The following AMPH variants were observed in gnomAD, a reference collection of about 807,000 sequenced individuals.
The protein encoded by AMPH is amphiphysin (Stiff-Mann syndrome with breast cancer 128kD autoantigen).
A neutral mutation model predicts 99.1 loss-of-function variants in AMPH; 49 were observed. The observed-to-expected ratio is 0.49, with a 90% CI of 0.39 to 0.63. AMPH has a LOEUF of 0.63. AMPH is among the 20% of genes least tolerant of loss of function. AMPH has a pLI of 0.00. For synonymous variants in AMPH, 314 were observed against 317.3 expected, an observed-to-expected ratio of 0.99 and a Z score of 0.11; for missense variants, 759 against 863.4, an observed-to-expected ratio of 0.88 and a Z score of 1.52.
intron 2 of AMPH, among the ~76,000 whole-genome samples, chr7:38,525,271 T>G (rs1790127122): frequency 1.4e-5 from 1 of 71,344 alleles, no homozygotes; most frequent in Non-Finnish European, 2.9e-5. Context: ...TATATATATA[T>G]ATATATAGAG....
chr7:38,433,787 T>C (rs547519769), intron 12 of AMPH, among the ~76,000 whole-genome samples: 2 of 148,000 alleles, frequency 1.4e-5, no homozygotes, highest in African/African-American at 5.0e-5. Context: ...CTCTGTATAA[T>C]GCACACATCA....
intron 14 of AMPH, chr7:38,429,495 C>T: frequency 7.5e-7 from 1 of 1,337,138 alleles, no homozygotes; most frequent in African/African-American, 1.5e-5. Flanking sequence ...ATTTTGAGAT[C>T]TTTGAATTTC....
intron 2 of AMPH, among the ~76,000 whole-genome samples, chr7:38,513,501 A>T (rs1789621243): frequency 6.6e-6 from 1 of 152,316 alleles, no homozygotes; most frequent in Non-Finnish European, 1.5e-5. Flanking sequence ...ACAAGTGATG[A>T]AACTAGGATA....
intron 1 of AMPH, among the ~76,000 whole-genome samples, chr7:38,598,527 C>T (rs1793140910): frequency 6.6e-6 from 1 of 152,182 alleles, no homozygotes; most frequent in African/African-American, 2.4e-5. Flanking sequence ...TGGTCTCGAA[C>T]TCCTGACCTC....
intron 5 of AMPH, among the ~76,000 whole-genome samples, chr7:38,479,238 A>G (rs1788198312): frequency 6.6e-6 from 1 of 152,152 alleles, no homozygotes; most frequent in Non-Finnish European, 1.5e-5. Flanking sequence ...CGGGATGCTA[A>G]TCTTCAGAAA....
At chr7:38,487,282 G>A (rs1197665476) in intron 5 of AMPH, among the ~76,000 whole-genome samples, 1 of 151,970 alleles carries the variant, frequency 6.6e-6, no homozygotes, top group Non-Finnish European at 1.5e-5. Context: ...ATACTACAAG[G>A]CTACTGTAAC....
rs73358615 is a variant in AMPH at position 38,495,579 on chromosome 7, C to T, written c.206-1052G>A. On this transcript the variant is annotated intron_variant, in intron 3 of 20. Coordinates refer to ENST00000356264, the MANE Select transcript of AMPH (RefSeq NM_001635.4). ...GAAAACTCAGTGTACAAATTCCATA[C>T]GGACAGTGGCCCTGGCTGAGATTTT... is the stretch of plus-strand genomic sequence containing the variant. Among the ~76,000 whole-genome samples the T allele has an allele frequency of 8.7e-3, 1,287 of 148,780 alleles. 20 individuals are homozygous for T. The highest frequency in any genetic ancestry group is 0.028 in the African/African-American group (1,119 of 40,276).
At chr7:38,441,649 G>A (rs886940950) in intron 11 of AMPH, among the ~76,000 whole-genome samples, 6 of 151,166 alleles carry the variant, frequency 4.0e-5, no homozygotes, top group African/African-American at 7.3e-5. Context: ...GCATTTGTGC[G>A]TTTGTCGCAG....
At chr7:38,543,882 A>C (rs779059930) in intron 1 of AMPH, among the ~76,000 whole-genome samples, 14 of 152,220 alleles carry the variant, frequency 9.2e-5, no homozygotes, top group Non-Finnish European at 1.8e-4. Flanking sequence ...AGTCTCAAAG[A>C]ATACTGTTAA....
chr7:38,514,515 G>T (rs1789661713), intron 2 of AMPH, among the ~76,000 whole-genome samples: 1 of 152,170 alleles, frequency 6.6e-6, no homozygotes, highest in South Asian at 2.1e-4. Flanking sequence ...AAATTTAATT[G>T]CCGTTGTAAC....
At chr7:38,414,535 A>G (rs1413713380) in intron 17 of AMPH, among the ~76,000 whole-genome samples, 1 of 152,234 alleles carries the variant, frequency 6.6e-6, no homozygotes, top group African/African-American at 2.4e-5. Flanking sequence ...AAAATGGAAT[A>G]AATGTGGGTA....
At chr7:38,388,708 T>C (rs193213637) in intron 20 of AMPH, among the ~76,000 whole-genome samples, 2 of 152,250 alleles carry the variant, frequency 1.3e-5, no homozygotes, top group African/African-American at 2.4e-5. Flanking sequence ...GGTGTGATCA[T>C]GGCTCACTGC....
intron 15 of AMPH, among the ~76,000 whole-genome samples, chr7:38,426,461 G>A (rs1785785328): frequency 6.6e-6 from 1 of 152,186 alleles, no homozygotes; most frequent in African/African-American, 2.4e-5. Context: ...GAGAACTGCT[G>A]AAGAGGTAAG....
intron 1 of AMPH, among the ~76,000 whole-genome samples, chr7:38,547,787 A>G (rs1791041594): frequency 6.6e-6 from 1 of 152,202 alleles, no homozygotes; most frequent in Non-Finnish European, 1.5e-5. Flanking sequence ...CTTGAGGTGG[A>G]GAAGAGGGCT....
chr7:38,610,788 C>T (rs1466077426), intron 1 of AMPH, among the ~76,000 whole-genome samples: 1 of 151,954 alleles, frequency 6.6e-6, no homozygotes, highest in African/African-American at 2.4e-5. Context: ...CATTTAGTAA[C>T]ATAGCAAACA....
chr7:38,432,215 GA>G lies in AMPH; in HGVS notation c.1135-4del, dbSNP rs1265884495. On this transcript the variant is annotated splice_region_variant and splice_polypyrimidine_tract_variant and intron_variant, in intron 12 of 20. Coordinates refer to ENST00000356264, the MANE Select transcript of AMPH (RefSeq NM_001635.4). The stretch of plus-strand genomic sequence containing the variant: ...GTCCATAGGTCCCAGGGCAATGTCT[GA>G]AAGCAAATAAACAAAAATACTGTTA... 3 of 1,611,910 alleles carry G rather than the reference GA, an allele frequency of 1.9e-6. No individual in the cohort carries two copies. The African/African-American group carries it at 4.0e-5, about 22-fold the overall frequency.
intron 15 of AMPH, 75 bp from the exon 16 acceptor site, chr7:38,422,552 A>C (rs894401805): frequency 2.6e-5 from 27 of 1,041,982 alleles, no homozygotes; most frequent in Non-Finnish European, 3.8e-5. Context: ...GTGTCTGCCT[A>C]CGTATCTATC....
intron 11 of AMPH, among the ~76,000 whole-genome samples, chr7:38,457,238 C>G (rs546214998): frequency 1.8e-4 from 27 of 152,002 alleles, no homozygotes; most frequent in African/African-American, 4.8e-4. Flanking sequence ...TCCAAAGAAA[C>G]AAGATAAAGA....
chr7:38,631,322 G>A lies in AMPH; in HGVS notation c.30C>T (p.Ala10=). Residue 10 remains alanine (A), a synonymous_variant, in exon 1 of 21, where the codon GCC becomes GCT. Transcript: ENST00000356264. ...GGTTGAGTCGCTTCTGGACGTTCTTGGCGAAGATGCCCGTCTTGATGTCGG... is the reference window on the plus strand; with the variant it reads ...GGTTGAGTCGCTTCTGGACGTTCTTAGCGAAGATGCCCGTCTTGATGTCGG... MADIKTGIF[A]KNVQKRLNRA... The A allele has an allele frequency of 6.5e-7, 1 of 1,549,464 alleles. No individual in the cohort carries two copies. Among genetic ancestry groups the A allele is most frequent in the East Asian group, 2.5e-5 (1 of 39,882 alleles).
Sources: gnomAD v4.1 joint callset for allele counts (sites outside exome capture counted in the v4.1 genomes callset) on GRCh38, gnomAD v4.1.1 for gene constraint, MANE v1.5 for transcripts, NCBI Gene and HGNC (gene_info 2026-07-23, HGNC 2026-07-21) for gene names.